Variants in PLEK2 observed in about 807,000 individuals in gnomAD.
PLEK2 encodes the protein pleckstrin-2.
In PLEK2, 29 loss-of-function variants were observed where a neutral mutation model predicts 43.8. That is an observed-to-expected ratio of 0.66 (90% CI 0.49 to 0.90). The LOEUF is 0.90. PLEK2 is among the 40% of genes least tolerant of loss of function. The pLI is 0.00. For synonymous variants in PLEK2, 162 were observed against 173.2 expected, an observed-to-expected ratio of 0.94 and a Z score of 0.51; for missense variants, 398 against 448.1, an observed-to-expected ratio of 0.89 and a Z score of 1.01.
At position 67,407,372 on chromosome 14, in the gene PLEK2, C is replaced by T. The variant is rs535642744; in HGVS notation, c.42+4646G>A. On this transcript the variant is annotated intron_variant, in intron 1 of 8. Coordinates refer to ENST00000216446, the MANE Select transcript of PLEK2 (RefSeq NM_016445.3). ...TCCTGACCTCGTGATCTGCCCACCT[C>T]GGCCTCCTAAAATGCTGGGATTACA... Among the ~76,000 whole-genome samples the T allele has an allele frequency of 4.4e-4, 67 of 151,988 alleles. 1 individual carries two copies. The highest frequency in any genetic ancestry group is 6.8e-3 in the Middle Eastern group (2 of 294).
chr14:67,387,769 T>C (rs1317627512), intron 8 of PLEK2, among the ~76,000 whole-genome samples: 4 of 152,314 alleles, frequency 2.6e-5, no homozygotes, highest in Middle Eastern at 3.4e-3. Flanking sequence ...GAATCCAGTA[T>C]GTTTATGTTA....
At chr14:67,400,643 A>C (rs1383244789) in intron 1 of PLEK2, among the ~76,000 whole-genome samples, 2 of 151,936 alleles carry the variant, frequency 1.3e-5, no homozygotes, top group Non-Finnish European at 2.9e-5. Flanking sequence ...TGGAGAAGGC[A>C]ATTAAGTTAA....
At chr14:67,392,079 T>TTG (rs921835103) in intron 6 of PLEK2, among the ~76,000 whole-genome samples, 8 of 151,928 alleles carry the variant, frequency 5.3e-5, no homozygotes, top group African/African-American at 1.7e-4. Context: ...GTTGTGATAA[T>TTG]TGTGTGTGTG....
At chr14:67,410,688 T>C (rs926668700) in intron 1 of PLEK2, among the ~76,000 whole-genome samples, 3 of 152,238 alleles carry the variant, frequency 2.0e-5, no homozygotes, top group Admixed American at 2.0e-4. Flanking sequence ...ACTTTAGGGC[T>C]GATCCAGCCA....
intron 1 of PLEK2, among the ~76,000 whole-genome samples, chr14:67,409,293 C>T (rs1223254016): frequency 6.6e-6 from 1 of 151,288 alleles, no homozygotes; most frequent in African/African-American, 2.4e-5. Context: ...CCTCTAATCT[C>T]AGCACTCTGG....
At chr14:67,390,877 A>G in intron 6 of PLEK2, 131 bp from the exon 7 acceptor site, 1 of 748,356 alleles carries the variant, frequency 1.3e-6, no homozygotes, top group Non-Finnish European at 2.5e-6. Context: ...AAACCAGTCC[A>G]CAGGAAACCT....
rs1206776628 is a variant in PLEK2, at chr14:67,412,120, G to C, written c.-61C>G. 2 of 1,410,186 alleles carry C rather than the reference G, an allele frequency of 1.4e-6. No homozygotes were observed. Among genetic ancestry groups the C allele is most frequent in the African/African-American group, 3.0e-5 (2 of 66,590 alleles). 87.4% of individuals were successfully genotyped at this position (1,410,186 alleles called of 1,614,324 possible). ...CCTTCCCCGCGCCTCGCGCTCCTCG[G>C]CACCCGCGCAGCCCGCGCAGTCCGC... On this transcript the variant is annotated 5_prime_UTR_variant, in exon 1 of 9. Coordinates refer to ENST00000216446, the MANE Select transcript of PLEK2 (RefSeq NM_016445.3).
chr14:67,397,521 G>C, intron 2 of PLEK2, 141 bp downstream of exon 2: 1 of 653,794 alleles, frequency 1.5e-6, no homozygotes, highest in South Asian at 2.3e-5. Flanking sequence ...TACCTGGTAT[G>C]TGGCGGAGCC....
intron 1 of PLEK2, among the ~76,000 whole-genome samples, chr14:67,411,091 G>A (rs999434569): frequency 2.8e-5 from 4 of 145,102 alleles, no homozygotes; most frequent in South Asian, 2.2e-4. Context: ...AGGCTGTGGT[G>A]AGCCAGGATT....
intron 1 of PLEK2, among the ~76,000 whole-genome samples, chr14:67,404,636 C>T (rs1390968969): frequency 6.6e-6 from 1 of 151,760 alleles, no homozygotes; most frequent in Non-Finnish European, 1.5e-5. Context: ...ACAGCAATAC[C>T]TAGTCTCTAC....
chr14:67,398,039 T>A (rs8005756), intron 1 of PLEK2: 54,709 of 391,224 alleles, frequency 0.14, 7,821 homozygotes, highest in East Asian at 0.47. Context: ...TTCTCTGGTT[T>A]TAAATCTTGA....
chr14:67,390,741 G>A lies in PLEK2; in HGVS notation c.777C>T (p.His259=). The change falls in exon 7 of 9, where the codon CAC becomes CAT. Residue 259 remains histidine, a synonymous_variant. Coordinates refer to ENST00000216446, the MANE Select transcript of PLEK2 (RefSeq NM_016445.3). Reference sequence around the variant, plus strand: ...GACGCACCTTCCAGTTTTTCCTCTTGTGTCCCTGAGGCAAAGAAATGGTTC... The same window carrying A: ...GACGCACCTTCCAGTTTTTCCTCTTATGTCCCTGAGGCAAAGAAATGGTTC... ...VKQGYLAKQG[H]KRKNWKVRRF... The A allele has an allele frequency of 1.2e-6, 2 of 1,610,230 alleles. No individual in the cohort carries two copies. The highest frequency in any genetic ancestry group is 1.7e-6 in the Non-Finnish European group (2 of 1,176,452).
chr14:67,403,499 T>C (rs912564561), intron 1 of PLEK2, among the ~76,000 whole-genome samples: 1 of 152,246 alleles, frequency 6.6e-6, no homozygotes, highest in African/African-American at 2.4e-5. Flanking sequence ...CAGCCAAATA[T>C]TCTCTGTCCT....
chr14:67,393,464 T>C (rs2085984249), intron 3 of PLEK2, among the ~76,000 whole-genome samples: 1 of 152,160 alleles, frequency 6.6e-6, no homozygotes, highest in South Asian at 2.1e-4. Flanking sequence ...GTTTTTTGTT[T>C]GTTTTTTGAG....
At chr14:67,398,716 C>A (rs1234879946) in intron 1 of PLEK2, among the ~76,000 whole-genome samples, 3 of 151,874 alleles carry the variant, frequency 2.0e-5, no homozygotes, top group Non-Finnish European at 4.4e-5. Flanking sequence ...GCCACCACAC[C>A]CGGCTAATTT....
chr14:67,387,401 T>C lies in PLEK2; in HGVS notation c.990A>G (p.Thr330=), dbSNP rs745798373. 1 of 1,610,566 alleles carries C rather than the reference T, an allele frequency of 6.2e-7. No homozygotes were observed. The highest frequency in any genetic ancestry group is 8.5e-7 in the Non-Finnish European group (1 of 1,178,624). The change falls in exon 9 of 9, where the codon ACA becomes ACG. Residue 330 remains threonine (T), a synonymous_variant. Coordinates refer to ENST00000216446, the MANE Select transcript of PLEK2 (RefSeq NM_016445.3). ...NLFKVITKDD[T]HYYIQASSKA... is the part of the protein sequence containing the mutation. ...TGCTGCTGGCCTGAATGTAATAGTG[T>C]GTGTCATCCTTAGTAATCACTTTGA...
intron 7 of PLEK2, 89 bp downstream of exon 7, chr14:67,390,574 A>G (rs1310344243): frequency 2.2e-6 from 2 of 915,888 alleles, no homozygotes; most frequent in African/African-American, 3.2e-5. Context: ...GGAAGGCAGG[A>G]TATCCAGCCA....
rs373046007 is a variant in PLEK2, at chr14:67,395,490, C to T, written c.301G>A (p.Gly101Arg). ...ERDAWAFEIT[G>R]AIHAGQPGKV... Reference sequence around the variant, plus strand: ...CCCGGCTGCCCTGCATGAATAGCCCCGGTGATCTCAAAGGCCCAGGCATCC... The same window carrying T: ...CCCGGCTGCCCTGCATGAATAGCCCTGGTGATCTCAAAGGCCCAGGCATCC... The change falls in exon 3 of 9, where the codon GGG (glycine) becomes AGG (arginine). Residue 101 changes from glycine (G) to arginine (R), a missense_variant. Gly to Arg is a moderately radical substitution (Grantham distance 125). Transcript: ENST00000216446. 2.4e-5 allele frequency: 39 copies of T among 1,613,916 alleles called. No homozygotes were observed. Among genetic ancestry groups the T allele is most frequent in the Middle Eastern group, 1.6e-4 (1 of 6,080 alleles).
intron 3 of PLEK2, among the ~76,000 whole-genome samples, chr14:67,394,572 T>C (rs1262460645): frequency 6.6e-6 from 1 of 151,218 alleles, no homozygotes; most frequent in Non-Finnish European, 1.5e-5. Context: ...CCATAGGAGG[T>C]GTACAGTCAA....
Sources: allele counts gnomAD v4.1 joint callset (sites outside exome capture counted in the v4.1 genomes callset), GRCh38; gene constraint gnomAD v4.1.1; transcripts MANE v1.5; gene names NCBI Gene and HGNC (gene_info 2026-07-23, HGNC 2026-07-21).